CORIN: variants seen among roughly 807,000 people sequenced by gnomAD.
CORIN encodes atrial natriuretic peptide-converting enzyme.
A neutral mutation model predicts 125.3 loss-of-function variants in CORIN; 117 were observed. The ratio of observed to expected loss-of-function variants is 0.93; its 90% CI spans 0.80 to 1.09. The LOEUF (loss-of-function observed/expected upper bound fraction) is 1.09, where lower values mean the gene tolerates loss of function less well. Among genes scored for constraint, CORIN ranks in the 50% least tolerant of loss-of-function variants. The pLI, the probability that CORIN is intolerant of heterozygous loss-of-function variation, is 0.00. For synonymous variants in CORIN, 450 were observed against 466.4 expected, an observed-to-expected ratio of 0.96 and a Z score of 0.45; for missense variants, 1,253 against 1,306.7, an observed-to-expected ratio of 0.96 and a Z score of 0.63.
At chr4:47,754,123 A>G (rs576082322) in intron 4 of CORIN, among the ~76,000 whole-genome samples, 2 of 152,228 alleles carry the variant, frequency 1.3e-5, no homozygotes, top group Non-Finnish European at 2.9e-5. Flanking sequence ...TTGATCTGTC[A>G]TGGCCTGATT....
intron 3 of CORIN, 128 bp downstream of exon 3, chr4:47,786,597 A>AGGAAAC (rs767038033): frequency 7.9e-5 from 55 of 698,752 alleles, no homozygotes; most frequent in Non-Finnish European, 1.3e-4. Flanking sequence ...TACGCTTACC[A>AGGAAAC]GGAAACTGAG....
intron 12 of CORIN, 89 bp downstream of exon 12, chr4:47,661,622 A>T: frequency 8.2e-7 from 1 of 1,221,432 alleles, no homozygotes; most frequent in Non-Finnish European, 1.1e-6. Context: ...AAACAAACAA[A>T]CAAGAAGCCA....
At chr4:47,672,813 G>A (rs941862942) in intron 10 of CORIN, among the ~76,000 whole-genome samples, 2 of 152,102 alleles carry the variant, frequency 1.3e-5, no homozygotes, top group African/African-American at 4.8e-5. Flanking sequence ...GGGTGGGCAT[G>A]TGCTTCCAGG....
intron 10 of CORIN, among the ~76,000 whole-genome samples, chr4:47,672,576 G>A (rs76108476): frequency 0.029 from 4,354 of 152,094 alleles, 231 homozygotes; most frequent in African/African-American, 0.099. Context: ...ATTGAGAGAC[G>A]AGTAAAATGA....
intron 5 of CORIN, among the ~76,000 whole-genome samples, chr4:47,706,085 A>G (rs902533050): frequency 6.6e-6 from 1 of 152,214 alleles, no homozygotes; most frequent in Non-Finnish European, 1.5e-5. Flanking sequence ...TTTTGTTTCA[A>G]ATGGCTTTTT....
intron 10 of CORIN, among the ~76,000 whole-genome samples, chr4:47,672,063 T>A (rs1419861064): frequency 1.3e-5 from 2 of 152,118 alleles, no homozygotes; most frequent in African/African-American, 4.8e-5. Flanking sequence ...GTAAACTGAG[T>A]GTATTTAAAG....
rs745339956 is a variant in CORIN, at chr4:47,807,042, C to G, written c.69G>C (p.Leu23Phe). The change falls in exon 2 of 22, where the codon TTG (leucine) becomes TTC (phenylalanine). Residue 23 changes from leucine (L) to phenylalanine (F), a missense_variant. Transcript: ENST00000273857. ...TGCCCATGTTATTGTCATCAGCTCTCAAGACCTAAAGTAAAAGAGGAAAAT... is the reference window on the plus strand; with the variant it reads ...TGCCCATGTTATTGTCATCAGCTCTGAAGACCTAAAGTAAAAGAGGAAAAT... The part of the protein sequence containing the change: ...CRRAGSPKPV[L>F]RADDNNMGNG... The G allele has an allele frequency of 1.9e-6, 3 of 1,605,262 alleles. No individual in the cohort carries two copies. Among genetic ancestry groups the G allele is most frequent in the South Asian group, 2.2e-5 (2 of 89,024 alleles).
At chr4:47,623,009 A>G (rs1722383744) in intron 19 of CORIN, among the ~76,000 whole-genome samples, 1 of 150,942 alleles carries the variant, frequency 6.6e-6, no homozygotes, top group African/African-American at 2.4e-5. Flanking sequence ...CAGAAGAGAA[A>G]TCTTACTTCT....
At chr4:47,627,119 A>T (rs1279298241) in intron 16 of CORIN, among the ~76,000 whole-genome samples, 1 of 141,746 alleles carries the variant, frequency 7.1e-6, no homozygotes, top group Non-Finnish European at 1.6e-5. Flanking sequence ...AGTAGCTGGG[A>T]TCACAGGTAC....
At chr4:47,781,133 T>C (rs1334521804) in intron 3 of CORIN, among the ~76,000 whole-genome samples, 2 of 152,014 alleles carry the variant, frequency 1.3e-5, no homozygotes, top group African/African-American at 4.8e-5. Flanking sequence ...AAGACAGAGA[T>C]TGGCAGAATG....
rs200727592 is a variant in CORIN, at chr4:47,805,146, A to AAT, written c.208+1756_208+1757insAT. ...GCGAGACTCCATCTCAAAAAAAAAA[A>AAT]AAAATAATAATAATAATAATAATAA... On this transcript the variant is annotated intron_variant, in intron 2 of 21. Coordinates refer to ENST00000273857, the MANE Select transcript of CORIN (RefSeq NM_006587.4). Among the ~76,000 whole-genome samples the AAT allele has an allele frequency of 7.9e-3, 1,124 of 143,030 alleles. 10 individuals carry two copies. The Middle Eastern group carries it at 0.085, about 11-fold the overall frequency. 93.8% of individuals were successfully genotyped at this position (143,030 alleles called of 152,430 possible).
intron 19 of CORIN, among the ~76,000 whole-genome samples, chr4:47,616,173 G>A (rs1309559500): frequency 1.3e-5 from 2 of 152,078 alleles, no homozygotes; most frequent in African/African-American, 4.8e-5. Context: ...GGGTGGTGGT[G>A]ATTGGGTGGA....
intron 11 of CORIN, among the ~76,000 whole-genome samples, chr4:47,662,401 T>A (rs1560494683): frequency 6.6e-6 from 1 of 152,146 alleles, no homozygotes; most frequent in Admixed American, 6.6e-5. Context: ...CCAAACCCAC[T>A]TACGTTGAGC....
rs1466738817 is a variant in CORIN, at chr4:47,643,274, A to C, written c.1958-18T>G. On this transcript the variant is annotated intron_variant, in intron 14 of 21. Coordinates refer to ENST00000273857, the MANE Select transcript of CORIN (RefSeq NM_006587.4). Reference sequence around the variant, plus strand: ...GCAAAATGCTGGCATGGGGAACAAAAAGTGAGAAGGAAAACATTTTAGAAA... The same window carrying C: ...GCAAAATGCTGGCATGGGGAACAAACAGTGAGAAGGAAAACATTTTAGAAA... 1 of 1,582,290 alleles carries C rather than the reference A, an allele frequency of 6.3e-7. No homozygotes were observed. The highest frequency in any genetic ancestry group is 1.8e-5 in the Admixed American group (1 of 54,618).
chr4:47,679,870 A>C (rs1725184585), intron 8 of CORIN: 1 of 307,560 alleles, frequency 3.3e-6, no homozygotes, highest in Admixed American at 4.9e-5. Context: ...AGACATATGG[A>C]GCAACGAGAG....
chr4:47,761,156 A>C (rs996604561), intron 4 of CORIN, among the ~76,000 whole-genome samples: 4 of 152,224 alleles, frequency 2.6e-5, no homozygotes, highest in African/African-American at 4.8e-5. Context: ...TTTGTTGCCT[A>C]TAAGAACTTT....
At chr4:47,677,817 G>A in intron 9 of CORIN, 121 bp downstream of exon 9, 2 of 711,716 alleles carry the variant, frequency 2.8e-6, no homozygotes, top group Non-Finnish European at 2.5e-6. Context: ...GGACCACTAT[G>A]TTAGGCAATC....
At chr4:47,692,745 C>T (rs775580715) in intron 6 of CORIN, among the ~76,000 whole-genome samples, 7 of 152,124 alleles carry the variant, frequency 4.6e-5, no homozygotes, top group African/African-American at 1.7e-4. Context: ...TGTGCAAAAA[C>T]GCTGCAATCC....
At chr4:47,643,545 A>G (rs1365564482) in intron 14 of CORIN, among the ~76,000 whole-genome samples, 4 of 152,202 alleles carry the variant, frequency 2.6e-5, no homozygotes, top group Non-Finnish European at 4.4e-5. Flanking sequence ...CAGAAATACC[A>G]AAGATCAGAG....
Sources: gnomAD v4.1 joint callset for allele counts (sites outside exome capture counted in the v4.1 genomes callset) on GRCh38, gnomAD v4.1.1 for gene constraint, MANE v1.5 for transcripts, NCBI Gene and HGNC (gene_info 2026-07-23, HGNC 2026-07-21) for gene names.